The following PDXK variants were observed in gnomAD, a reference collection of about 807,000 sequenced individuals.
PDXK encodes the protein epididymis secretory sperm binding protein Li 1a.
Under a neutral mutation model 43.2 loss-of-function variants are expected in PDXK, and 15 were observed. The ratio of observed to expected loss-of-function variants is 0.35; its 90% CI spans 0.23 to 0.53. PDXK has a LOEUF of 0.53. Ranked by LOEUF, PDXK falls within the 20% of genes least tolerant of loss-of-function variation. The probability of loss-of-function intolerance (pLI) is 0.92; values close to 1 mark genes in which losing one functional copy is unlikely to be tolerated. For missense variants in PDXK, 343 were observed against 417.0 expected (o/e 0.82, Z 1.54); for synonymous variants, 172 against 165.4 (o/e 1.04, Z -0.31).
rs527291540 is a variant in PDXK, at chr21:43,755,125, A to G, written c.760-573A>G. 4.6e-5 allele frequency among the ~76,000 whole-genome samples: 7 copies of G among 152,282 alleles called. No individual in the cohort carries two copies. The East Asian group carries it at 1.2e-3, about 25-fold the overall frequency. ...GTCACATTCTGGGTTTGGCCAGCCC[A>G]GGGTTGTGGAGTCGGGGAGCGAGTT... On this transcript the variant is annotated intron_variant, in intron 9 of 10. Coordinates refer to ENST00000291565, the MANE Select transcript of PDXK (RefSeq NM_003681.5).
In PDXK at chr21:43,728,896, T is replaced by C. The variant is rs375484138; in HGVS notation, c.88-5173T>C. 5.4e-5 allele frequency: 53 copies of C among 985,560 alleles called. No homozygotes were observed. The East Asian group carries it at 4.0e-3, about 74-fold the overall frequency. 61.1% of individuals were successfully genotyped at this position (985,560 alleles called of 1,614,324 possible). A position where few individuals can be genotyped will look rare whatever the true frequency, so the allele number is the denominator to read the frequency against. On this transcript the variant is annotated intron_variant, in intron 1 of 10. Coordinates refer to ENST00000291565, the MANE Select transcript of PDXK (RefSeq NM_003681.5). ...GTTCCCAGGAGGAAGTTGCGACCCTTTCTAAGCCATCCCACTGGCCTGGAC... is the reference window on the plus strand; with the variant it reads ...GTTCCCAGGAGGAAGTTGCGACCCTCTCTAAGCCATCCCACTGGCCTGGAC...
Position 43,759,788 on chromosome 21 carries a change from C to T in PDXK, c.*3725C>T, listed in dbSNP as rs2083904809. 6.6e-6 allele frequency: 1 copy of T among 152,394 alleles called. No homozygotes were observed. Among genetic ancestry groups the T allele is most frequent in the Non-Finnish European group, 1.5e-5 (1 of 68,162 alleles). The allele number at this position is 152,394 out of a possible 1,614,324, so 9.4% of individuals were successfully genotyped here. A position where few individuals can be genotyped will look rare whatever the true frequency, so the allele number is the denominator to read the frequency against. ...GCTGAGCCTTTTCCTTCCACGCCGC[C>T]TCTCACTGCCAGGCCAGCGGCTTCC... is the stretch of plus-strand genomic sequence containing the variant. On this transcript the variant is annotated 3_prime_UTR_variant, in exon 11 of 11. Coordinates refer to ENST00000291565, the MANE Select transcript of PDXK (RefSeq NM_003681.5).
intron 2 of PDXK, among the ~76,000 whole-genome samples, chr21:43,736,102 T>C (rs1400551638): frequency 4.6e-5 from 7 of 152,244 alleles, no homozygotes; most frequent in Admixed American, 2.0e-4. Flanking sequence ...AGGCGCTTTT[T>C]GTTTTTTGAG....
At chr21:43,724,932 A>G (rs954937907) in intron 1 of PDXK, among the ~76,000 whole-genome samples, 20 of 151,738 alleles carry the variant, frequency 1.3e-4, no homozygotes, top group Non-Finnish European at 2.1e-4. Flanking sequence ...CACTAGGTAG[A>G]CCCTGTTTTT....
chr21:43,719,969 A>G (rs1455954157), intron 1 of PDXK: 1 of 967,748 alleles, frequency 1.0e-6, no homozygotes, highest in East Asian at 1.1e-4. Context: ...AGGGTGGGGC[A>G]GGGGCTGCTC....
At chr21:43,741,614 G>C in intron 2 of PDXK, 53 bp from the exon 3 acceptor site, 1 of 1,588,964 alleles carries the variant, frequency 6.3e-7, no homozygotes, top group Non-Finnish European at 8.6e-7. Flanking sequence ...GGAAGCCCAC[G>C]GCCCCAGCTG....
intron 2 of PDXK, among the ~76,000 whole-genome samples, chr21:43,736,196 C>G (rs2083398529): frequency 6.6e-6 from 1 of 152,202 alleles, no homozygotes; most frequent in African/African-American, 2.4e-5. Context: ...AAACTCACCT[C>G]CAGGAAGCAT....
chr21:43,746,734 C>T (rs2083645010), intron 5 of PDXK, among the ~76,000 whole-genome samples: 1 of 152,124 alleles, frequency 6.6e-6, no homozygotes, highest in South Asian at 2.1e-4. Flanking sequence ...TGACTATTTT[C>T]TAATAAAATT....
At position 43,752,101 on chromosome 21, in the gene PDXK, A is replaced by G. The variant is rs73908380; in HGVS notation, c.511-417A>G. 4.2e-3 allele frequency among the ~76,000 whole-genome samples: 616 copies of G among 146,602 alleles called. 7 individuals carry two copies. Among genetic ancestry groups the G allele is most frequent in the African/African-American group, 0.015 (557 of 38,122 alleles). On this transcript the variant is annotated intron_variant, in intron 7 of 10. Transcript: ENST00000291565. ...CACGTGCTGGGTGGCGATGCAGCAC[A>G]TGTGTGTGTGTGTGTGTGTGTGTGT...
Position 43,734,229 on chromosome 21 carries a change from G to C in PDXK, c.142+106G>C. 9.4e-7 allele frequency: 1 copy of C among 1,069,348 alleles called. No individual in the cohort carries two copies. The highest frequency in any genetic ancestry group is 1.4e-6 in the Non-Finnish European group (1 of 700,028). The allele number at this position is 1,069,348 out of a possible 1,614,324, so 66.2% of individuals were successfully genotyped here. ...GGCGGAGTGTGGGTGTGAGGGACGGGGCTTTCGTGTGGACGGGGACCTGGA... is the reference window on the plus strand; with the variant it reads ...GGCGGAGTGTGGGTGTGAGGGACGGCGCTTTCGTGTGGACGGGGACCTGGA... On this transcript the variant is annotated intron_variant, in intron 2 of 10. Transcript: ENST00000291565. The surrounding 1 kb of genome is among the most constrained non-coding windows in gnomAD (Gnocchi z 5.0).
chr21:43,745,016 A>C (rs558890393), intron 4 of PDXK, among the ~76,000 whole-genome samples: 23 of 152,352 alleles, frequency 1.5e-4, no homozygotes, highest in African/African-American at 5.1e-4. Context: ...CCAAAAAGGG[A>C]GACTGTTACA....
At chr21:43,748,898 T>C in intron 5 of PDXK, 97 bp from the exon 6 acceptor site, 1 of 732,998 alleles carries the variant, frequency 1.4e-6, no homozygotes, top group Non-Finnish European at 2.4e-6. Context: ...TCAGGGGGCT[T>C]TTGGGGGAGC....
chr21:43,750,908 ACG>A (rs1192888018), intron 7 of PDXK, among the ~76,000 whole-genome samples: 56 of 122,388 alleles, frequency 4.6e-4, no homozygotes, highest in African/African-American at 1.6e-3. Context: ...ATGGGTGTGC[ACG>A]CATGTGTGCA....
At chr21:43,743,474 C>T (rs13048888) in intron 3 of PDXK, among the ~76,000 whole-genome samples, 5 of 72,066 alleles carry the variant, frequency 6.9e-5, no homozygotes, top group African/African-American at 1.7e-4. Flanking sequence ...CCCCAGCCCC[C>T]GAGCACTGTG....
chr21:43,743,627 C>T (rs2083585324), intron 3 of PDXK, 97 bp from the exon 4 acceptor site: 5 of 867,872 alleles, frequency 5.8e-6, no homozygotes, highest in Admixed American at 3.9e-5. Flanking sequence ...CCAGCCACCC[C>T]TCTGCAGGGT....
At chr21:43,738,585 C>T (rs1014369667) in intron 2 of PDXK, 1 of 152,272 alleles carries the variant, frequency 6.6e-6, no homozygotes, top group Non-Finnish European at 1.5e-5. Context: ...CAGGGCGAGA[C>T]CTGCTGTCTT....
intron 6 of PDXK, among the ~76,000 whole-genome samples, chr21:43,750,035 C>A (rs1170007006): frequency 6.7e-6 from 1 of 149,928 alleles, no homozygotes; most frequent in African/African-American, 2.5e-5. Flanking sequence ...CCCATTCACG[C>A]AGGGGTGGGG....
chr21:43,736,995 C>T (rs752378878), intron 2 of PDXK: 34 of 703,996 alleles, frequency 4.8e-5, no homozygotes, highest in Non-Finnish European at 6.7e-5. Flanking sequence ...CGTGAAGTGG[C>T]GCAACCAGCT....
intron 5 of PDXK, 69 bp from the exon 6 acceptor site, chr21:43,748,926 C>G: frequency 1.1e-6 from 1 of 945,746 alleles, no homozygotes; most frequent in Admixed American, 2.0e-5. Context: ...GGTGGGCTTC[C>G]CTCCGCGCCC....
Sources: gnomAD v4.1 joint callset for allele counts (sites outside exome capture counted in the v4.1 genomes callset) on GRCh38, gnomAD v4.1.1 for gene constraint, Gnocchi (gnomAD v3.1) non-coding constraint, MANE v1.5 for transcripts, NCBI Gene and HGNC (gene_info 2026-07-23, HGNC 2026-07-21) for gene names.